Variants in VPS8 observed in about 807,000 individuals in gnomAD.
VPS8 encodes the protein VPS8 subunit of CORVET complex.
Under a neutral mutation model 216.4 loss-of-function variants are expected in VPS8, and 129 were observed. The ratio of observed to expected loss-of-function variants is 0.60; its 90% confidence interval spans 0.52 to 0.69. The LOEUF (loss-of-function observed/expected upper bound fraction) is 0.69, where lower values mean the gene tolerates loss of function less well. Ranked by LOEUF, VPS8 falls within the 30% of genes least tolerant of loss-of-function variation. The probability of loss-of-function intolerance (pLI) is 0.00; values close to 1 mark genes in which losing one functional copy is unlikely to be tolerated. For missense variants in VPS8, 1,531 were observed against 1,683.5 expected (o/e 0.91, Z 1.59); for synonymous variants, 571 against 565.4 (o/e 1.01, Z -0.14).
chr3:185,049,561 C>T (rs9823859), intron 47 of VPS8, among the ~76,000 whole-genome samples: 72,863 of 151,798 alleles, frequency 0.48, 17,792 homozygotes, highest in East Asian at 0.67. Flanking sequence ...CTTCTGTCCC[C>T]TCTCCATGCT....
chr3:184,998,734 A>G (rs940850761), intron 44 of VPS8, among the ~76,000 whole-genome samples: 5 of 152,032 alleles, frequency 3.3e-5, no homozygotes, highest in African/African-American at 7.3e-5. Context: ...TCAATAGGGA[A>G]TTTCTTTATA....
intron 4 of VPS8, 93 bp downstream of exon 4, chr3:184,832,912 G>A: frequency 1.4e-6 from 2 of 1,432,870 alleles, no homozygotes; most frequent in African/African-American, 2.9e-5. Flanking sequence ...AATATGGTCT[G>A]TTGAAGCCTT....
intron 46 of VPS8, among the ~76,000 whole-genome samples, chr3:185,039,592 C>G (rs1012958589): frequency 6.6e-6 from 1 of 151,872 alleles, no homozygotes; most frequent in Non-Finnish European, 1.5e-5. Flanking sequence ...AGGAGTCCAG[C>G]TCAAATCTGT....
intron 46 of VPS8, among the ~76,000 whole-genome samples, chr3:185,044,958 C>T (rs1221446397): frequency 6.6e-6 from 1 of 152,078 alleles, no homozygotes; most frequent in Non-Finnish European, 1.5e-5. Flanking sequence ...GTGGCTTTTC[C>T]TTTATCTCTG....
At chr3:185,002,840 C>A (rs889483891) in intron 45 of VPS8, among the ~76,000 whole-genome samples, 1 of 152,152 alleles carries the variant, frequency 6.6e-6, no homozygotes, top group Non-Finnish European at 1.5e-5. Context: ...TTTCTTTATG[C>A]ACTCCTTGGT....
intron 21 of VPS8, among the ~76,000 whole-genome samples, chr3:184,876,698 C>T (rs1219681267): frequency 6.6e-6 from 1 of 152,128 alleles, no homozygotes; most frequent in Admixed American, 6.6e-5. Flanking sequence ...TGATTCTTGT[C>T]TTTTACTTGT....
chr3:184,876,289 A>G (rs574049209), intron 21 of VPS8, among the ~76,000 whole-genome samples: 8 of 151,664 alleles, frequency 5.3e-5, no homozygotes, highest in Admixed American at 1.3e-4. Context: ...TTTTATATCA[A>G]TGTTTGTCAA....
intron 5 of VPS8, 156 bp downstream of exon 5, chr3:184,834,898 T>G: frequency 1.7e-6 from 1 of 573,188 alleles, no homozygotes; most frequent in Non-Finnish European, 3.0e-6. Context: ...TTTTGACTTA[T>G]GAGACATGGC....
chr3:184,871,966 A>G (rs1314139443), intron 21 of VPS8, among the ~76,000 whole-genome samples: 2 of 151,970 alleles, frequency 1.3e-5, no homozygotes, highest in Non-Finnish European at 2.9e-5. Flanking sequence ...AACTGTTATT[A>G]CTCTGTTTGG....
At chr3:184,848,909 C>A in intron 8 of VPS8, 162 bp from the exon 9 acceptor site, 1 of 690,126 alleles carries the variant, frequency 1.4e-6, no homozygotes, top group Non-Finnish European at 2.3e-6. Flanking sequence ...CAACGCCCAG[C>A]ATCTGCTAGT....
At chr3:185,035,699 A>G (rs1410561488) in intron 46 of VPS8, among the ~76,000 whole-genome samples, 1 of 152,222 alleles carries the variant, frequency 6.6e-6, no homozygotes, top group Non-Finnish European at 1.5e-5. Flanking sequence ...AAACTGGAAC[A>G]AGACAAGGAT....
intron 23 of VPS8, among the ~76,000 whole-genome samples, chr3:184,896,303 A>G (rs879289603): frequency 6.6e-6 from 1 of 152,140 alleles, no homozygotes; most frequent in Non-Finnish European, 1.5e-5. Flanking sequence ...AATTTCTTCT[A>G]TTTATAATAC....
chr3:185,026,112 T>C (rs1175501225), intron 46 of VPS8, among the ~76,000 whole-genome samples: 1 of 152,162 alleles, frequency 6.6e-6, no homozygotes, highest in Non-Finnish European at 1.5e-5. Flanking sequence ...TCAGCAAGTA[T>C]AGTCTGCCCT....
At chr3:184,981,495 G>A (rs1037172643) in intron 40 of VPS8, among the ~76,000 whole-genome samples, 18 of 145,750 alleles carry the variant, frequency 1.2e-4, no homozygotes, top group Non-Finnish European at 1.9e-4. Flanking sequence ...GTGCAATGGC[G>A]TGATCTCGGC....
chr3:184,827,365 A>G (rs990239658), intron 3 of VPS8, among the ~76,000 whole-genome samples: 9 of 152,254 alleles, frequency 5.9e-5, no homozygotes, highest in African/African-American at 1.9e-4. Flanking sequence ...GAAGTGTCCT[A>G]TATGTTCTGT....
At chr3:184,940,287 T>TATATATA in intron 36 of VPS8, 44 bp downstream of exon 36, 1 of 801,900 alleles carries the variant, frequency 1.2e-6, no homozygotes, top group Non-Finnish European at 1.7e-6. Context: ...TATATATATA[T>TATATATA]ATGAGAAATA....
chr3:184,905,698 T>C (rs897730227), intron 25 of VPS8, among the ~76,000 whole-genome samples: 2 of 150,880 alleles, frequency 1.3e-5, no homozygotes, highest in African/African-American at 4.9e-5. Context: ...ATATAAAAAG[T>C]AATAAAATCT....
At chr3:185,050,693 A>T (rs935358179) in intron 47 of VPS8, among the ~76,000 whole-genome samples, 2 of 152,224 alleles carry the variant, frequency 1.3e-5, no homozygotes, top group Non-Finnish European at 2.9e-5. Context: ...ATGGAAAGAC[A>T]CTTGATACAG....
intron 42 of VPS8, among the ~76,000 whole-genome samples, chr3:184,989,004 G>A (rs1751506036): frequency 6.6e-6 from 1 of 152,174 alleles, no homozygotes; most frequent in Non-Finnish European, 1.5e-5. Flanking sequence ...CTGTAACTTT[G>A]CTATAATCAC....
Sources: allele counts gnomAD v4.1 joint callset (sites outside exome capture counted in the v4.1 genomes callset), GRCh38; gene constraint gnomAD v4.1.1; transcripts MANE v1.5; gene names NCBI Gene and HGNC (gene_info 2026-07-23, HGNC 2026-07-21).